SGCZ: variants seen among roughly 807,000 people sequenced by gnomAD.
SGCZ encodes zeta-sarcoglycan.
SGCZ carries 40 observed loss-of-function variants against 41.3 expected under a neutral mutation model. That is an observed-to-expected ratio of 0.97 (90% CI 0.75 to 1.26). SGCZ has a LOEUF of 1.26. SGCZ is among the 50% of genes most tolerant of loss of function. The pLI, the probability that SGCZ is intolerant of heterozygous loss-of-function variation, is 0.00. For missense variants in SGCZ, 552 were observed against 369.8 expected (o/e 1.49, Z -4.04); for synonymous variants, 206 against 137.5 (o/e 1.50, Z -3.49).
intron 3 of SGCZ, among the ~76,000 whole-genome samples, chr8:14,243,578 A>G (rs1056345491): frequency 6.6e-6 from 1 of 152,190 alleles, no homozygotes; most frequent in Non-Finnish European, 1.5e-5. Context: ...ATGTGACCCA[A>G]TTCTACTTTT....
intron 4 of SGCZ, among the ~76,000 whole-genome samples, chr8:14,207,446 A>G (rs970669289): frequency 4.6e-5 from 7 of 152,306 alleles, no homozygotes; most frequent in African/African-American, 1.7e-4. Flanking sequence ...AGTTCAGAAA[A>G]GAAATATTTA....
intron 1 of SGCZ, among the ~76,000 whole-genome samples, chr8:14,642,523 GC>G (rs145628670): frequency 0.032 from 4,776 of 151,254 alleles, 126 homozygotes; most frequent in Middle Eastern, 0.073. Context: ...TTACATATTG[GC>G]TTCTTCTAAC....
At chr8:14,572,590 G>T (rs926782353) in intron 1 of SGCZ, among the ~76,000 whole-genome samples, 6 of 152,096 alleles carry the variant, frequency 3.9e-5, no homozygotes, top group East Asian at 1.9e-4. Flanking sequence ...ACTAGCAGGG[G>T]CAGGAGACAT....
intron 1 of SGCZ, among the ~76,000 whole-genome samples, chr8:14,813,924 G>C (rs1351199516): frequency 6.6e-6 from 1 of 152,132 alleles, no homozygotes; most frequent in African/African-American, 2.4e-5. Context: ...CTGCACTCCA[G>C]CCTGGGCAAC....
At chr8:14,784,861 C>T (rs1308039070) in intron 1 of SGCZ, among the ~76,000 whole-genome samples, 1 of 129,200 alleles carries the variant, frequency 7.7e-6, no homozygotes, top group African/African-American at 3.0e-5. Flanking sequence ...GAGATCATGC[C>T]ATTGCACTCC....
chr8:14,236,286 A>G (rs1426598209), intron 4 of SGCZ, among the ~76,000 whole-genome samples: 1 of 152,226 alleles, frequency 6.6e-6, no homozygotes, highest in African/African-American at 2.4e-5. Flanking sequence ...TAACTGCTAT[A>G]TCTCTAATTA....
chr8:14,361,118 G>A (rs778457606), intron 2 of SGCZ, among the ~76,000 whole-genome samples: 6 of 152,066 alleles, frequency 3.9e-5, no homozygotes, highest in Admixed American at 1.3e-4. Flanking sequence ...TCTTGGACTC[G>A]CTAATTGGAT....
chr8:15,021,682 G>T (rs144567901), intron 1 of SGCZ, among the ~76,000 whole-genome samples: 1 of 152,214 alleles, frequency 6.6e-6, no homozygotes, highest in African/African-American at 2.4e-5. Context: ...CTCACCACAG[G>T]ATCCACACTT....
At chr8:14,155,409 C>G in intron 5 of SGCZ, among the ~76,000 whole-genome samples, 1 of 152,030 alleles carries the variant, frequency 6.6e-6, no homozygotes, top group East Asian at 1.9e-4. Flanking sequence ...GCCAGAGGTT[C>G]CCACTGGAGT....
chr8:15,096,955 GATTAC>G (rs1806370244), intron 1 of SGCZ, among the ~76,000 whole-genome samples: 1 of 152,090 alleles, frequency 6.6e-6, no homozygotes, highest in African/African-American at 2.4e-5. Flanking sequence ...AAAGCAGTGG[GATTAC>G]AGGTGTGAGC....
At chr8:14,094,185 C>T (rs1254075910) in intron 7 of SGCZ, among the ~76,000 whole-genome samples, 1 of 151,960 alleles carries the variant, frequency 6.6e-6, no homozygotes, top group African/African-American at 2.4e-5. Flanking sequence ...GGTATGTGTG[C>T]AGAATATGCA....
At chr8:14,853,630 C>G (rs756029169) in intron 1 of SGCZ, 7 of 358,782 alleles carry the variant, frequency 2.0e-5, no homozygotes, top group Non-Finnish European at 4.2e-5. Flanking sequence ...CTTTAAAGAA[C>G]TGAATCTAAA....
intron 1 of SGCZ, among the ~76,000 whole-genome samples, chr8:15,193,849 T>C (rs909374946): frequency 3.9e-5 from 6 of 152,176 alleles, no homozygotes; most frequent in African/African-American, 7.2e-5. Context: ...GTTCTACTTA[T>C]TTTTTACATT....
intron 2 of SGCZ, among the ~76,000 whole-genome samples, chr8:14,377,921 G>A (rs947178881): frequency 2.0e-5 from 3 of 150,484 alleles, no homozygotes; most frequent in African/African-American, 7.4e-5. Context: ...TCTTAATCCA[G>A]TCTATCATCG....
At chr8:14,486,649 C>T (rs1203733694) in intron 2 of SGCZ, among the ~76,000 whole-genome samples, 2 of 152,188 alleles carry the variant, frequency 1.3e-5, no homozygotes, top group African/African-American at 4.8e-5. Flanking sequence ...TCACGGCTCA[C>T]TGCAGTCTCA....
intron 4 of SGCZ, among the ~76,000 whole-genome samples, chr8:14,168,768 A>G: frequency 6.6e-6 from 1 of 152,138 alleles, no homozygotes; most frequent in Non-Finnish European, 1.5e-5. Flanking sequence ...ATTGTGCAAC[A>G]TTTGCAGAAA....
intron 5 of SGCZ, among the ~76,000 whole-genome samples, chr8:14,145,461 G>A (rs773421555): frequency 4.6e-5 from 7 of 152,126 alleles, no homozygotes; most frequent in Non-Finnish European, 8.8e-5. Context: ...GTCTTCCAGA[G>A]AAGAATGGCT....
chr8:14,181,827 G>A (rs1373513265), intron 4 of SGCZ, among the ~76,000 whole-genome samples: 2 of 152,026 alleles, frequency 1.3e-5, no homozygotes, highest in African/African-American at 4.8e-5. Flanking sequence ...CTCAGCCTTG[G>A]GTATGTCTTT....
intron 1 of SGCZ, among the ~76,000 whole-genome samples, chr8:14,581,404 G>A (rs1459809879): frequency 6.6e-6 from 1 of 151,912 alleles, no homozygotes; most frequent in Non-Finnish European, 1.5e-5. Flanking sequence ...ATGAGCCACT[G>A]CGCCCGGCCT....
Sources: allele counts gnomAD v4.1 joint callset (sites outside exome capture counted in the v4.1 genomes callset), GRCh38; gene constraint gnomAD v4.1.1; transcripts MANE v1.5; gene names NCBI Gene and HGNC (gene_info 2026-07-23, HGNC 2026-07-21).